Variants in CACNG3 observed in about 807,000 individuals in gnomAD.
CACNG3 encodes voltage-dependent calcium channel gamma-3 subunit.
CACNG3 carries 3 observed loss-of-function variants against 28.5 expected under a neutral mutation model. The observed-to-expected ratio is 0.11, with a 90% confidence interval of 0.05 to 0.27. The LOEUF (loss-of-function observed/expected upper bound fraction) is 0.27. Among genes scored for constraint, CACNG3 ranks in the 10% least tolerant of loss-of-function variants. The pLI is 1.00. For synonymous variants in CACNG3, 174 were observed against 162.2 expected, an observed-to-expected ratio of 1.07 and a Z score of -0.55; for missense variants, 236 against 414.4, an observed-to-expected ratio of 0.57 and a Z score of 3.74.
intron 1 of CACNG3, among the ~76,000 whole-genome samples, chr16:24,284,812 A>G (rs1306460465): frequency 2.0e-5 from 3 of 152,146 alleles, no homozygotes; most frequent in African/African-American, 7.2e-5. Flanking sequence ...ACTATCCAGC[A>G]AAGTCACTAG....
chr16:24,315,455 CTTCT>C (rs1899336104), intron 1 of CACNG3, among the ~76,000 whole-genome samples: 2 of 145,222 alleles, frequency 1.4e-5, no homozygotes, highest in East Asian at 2.1e-4. Context: ...TCCTTCCTTC[CTTCT>C]TTCCTTCCTT....
At chr16:24,257,377 GA>G (rs1898476688) in intron 1 of CACNG3, among the ~76,000 whole-genome samples, 1 of 42,294 alleles carries the variant, frequency 2.4e-5, no homozygotes, top group Non-Finnish European at 4.6e-5. Flanking sequence ...GGGAGAGAGA[GA>G]GAGAGAGAGA....
chr16:24,325,618 T>G (rs148079887), intron 1 of CACNG3, among the ~76,000 whole-genome samples: 192 of 152,376 alleles, frequency 1.3e-3, no homozygotes, highest in African/African-American at 4.4e-3. Flanking sequence ...TCACAGTTTA[T>G]GAGCCGCCTC....
intron 1 of CACNG3, among the ~76,000 whole-genome samples, chr16:24,345,195 G>C (rs16973553): frequency 2.0e-3 from 308 of 152,154 alleles, no homozygotes; most frequent in African/African-American, 7.2e-3. Context: ...AAATACCAAC[G>C]CAGCTCTGTC....
At chr16:24,291,890 T>A (rs1461527989) in intron 1 of CACNG3, among the ~76,000 whole-genome samples, 2 of 151,906 alleles carry the variant, frequency 1.3e-5, no homozygotes, top group African/African-American at 2.4e-5. Flanking sequence ...AAGGAATGAA[T>A]GGAAGATGAG....
intron 1 of CACNG3, among the ~76,000 whole-genome samples, chr16:24,327,536 T>C (rs1302430840): frequency 1.4e-5 from 2 of 146,234 alleles, no homozygotes; most frequent in African/African-American, 2.5e-5. Flanking sequence ...GGGGGGATCG[T>C]TTGAGCTCAG....
intron 1 of CACNG3, among the ~76,000 whole-genome samples, chr16:24,328,769 A>G (rs1017355929): frequency 6.6e-6 from 1 of 152,100 alleles, no homozygotes; most frequent in Non-Finnish European, 1.5e-5. Flanking sequence ...GCCATAAGAC[A>G]TGTACTCACC....
intron 1 of CACNG3, among the ~76,000 whole-genome samples, chr16:24,312,951 G>GAA (rs1567216094): frequency 1.0e-5 from 1 of 98,980 alleles, no homozygotes; most frequent in Non-Finnish European, 2.2e-5. Context: ...AAGAAAGAAA[G>GAA]AAAGAGAAAG....
At chr16:24,346,632 C>T in intron 1 of CACNG3, 102 bp from the exon 2 acceptor site, 1 of 782,030 alleles carries the variant, frequency 1.3e-6, no homozygotes, top group Non-Finnish European at 2.2e-6. Context: ...CTACAGCCCC[C>T]AACAACCAGA....
At chr16:24,289,202 A>T (rs1323650258) in intron 1 of CACNG3, among the ~76,000 whole-genome samples, 1 of 152,008 alleles carries the variant, frequency 6.6e-6, no homozygotes, top group Non-Finnish European at 1.5e-5. Flanking sequence ...TTCCCGATGA[A>T]TTCGCCTTAG....
In CACNG3 at chr16:24,361,665, C is replaced by T. The variant is rs148951012; in HGVS notation, c.750C>T (p.Ile250=). The change falls in exon 4 of 4, where the codon ATC becomes ATT. Residue 250 remains isoleucine (I), a synonymous_variant. Transcript: ENST00000005284. The surrounding 1 kb of genome is among the most constrained non-coding windows in gnomAD (Gnocchi z 6.8). ...TEPRSRDLSP[I]SKGFHTIPST... is the part of the protein sequence containing the mutation. ...CCAGATCCCGAGACCTGTCCCCCAT[C>T]AGCAAAGGCTTCCACACCATCCCTT... 1.9e-6 allele frequency: 3 copies of T among 1,613,968 alleles called. No homozygotes were observed. Among genetic ancestry groups the T allele is most frequent in the Non-Finnish European group, 2.5e-6 (3 of 1,179,980 alleles).
chr16:24,341,618 A>G (rs1372641076), intron 1 of CACNG3, among the ~76,000 whole-genome samples: 1 of 152,244 alleles, frequency 6.6e-6, no homozygotes, highest in East Asian at 1.9e-4. Context: ...TATTATCTTC[A>G]TTCTGTAGAA....
chr16:24,311,094 A>C (rs1335001259), intron 1 of CACNG3, among the ~76,000 whole-genome samples: 1 of 152,244 alleles, frequency 6.6e-6, no homozygotes. Flanking sequence ...AGTTAAGAGC[A>C]AAAGCTCTAC....
chr16:24,287,768 A>G (rs1352608036), intron 1 of CACNG3, among the ~76,000 whole-genome samples: 1 of 152,070 alleles, frequency 6.6e-6, no homozygotes, highest in Non-Finnish European at 1.5e-5. Context: ...CCTCTATAAC[A>G]CTAAGCAAAG....
chr16:24,317,618 GAAAGAAAGACAGACAGAAAGAAAGAAAA>G (rs1899381652), intron 1 of CACNG3, among the ~76,000 whole-genome samples: 8 of 67,002 alleles, frequency 1.2e-4, no homozygotes, highest in Middle Eastern at 6.1e-3. Flanking sequence ...AAGAAAGAAA[GAAAGAAAGACAGACAGAAAGAAAGAAAA>G]GAAAAGAAAG....
chr16:24,288,143 A>T (rs1423169988), intron 1 of CACNG3, among the ~76,000 whole-genome samples: 1 of 152,248 alleles, frequency 6.6e-6, no homozygotes, highest in Non-Finnish European at 1.5e-5. Flanking sequence ...GAAACTTAGC[A>T]GCATCAGGAT....
chr16:24,297,785 C>A, intron 1 of CACNG3, among the ~76,000 whole-genome samples: 1 of 152,162 alleles, frequency 6.6e-6, no homozygotes, highest in Non-Finnish European at 1.5e-5. Context: ...CTCTCCACCC[C>A]ATGTGAGCCC....
At chr16:24,282,149 C>T (rs752765944) in intron 1 of CACNG3, among the ~76,000 whole-genome samples, 1 of 152,130 alleles carries the variant, frequency 6.6e-6, no homozygotes, top group Non-Finnish European at 1.5e-5. Context: ...AAAGGAGACC[C>T]GACCGGGAAG....
At chr16:24,291,859 TAA>T (rs1312872202) in intron 1 of CACNG3, among the ~76,000 whole-genome samples, 2 of 152,174 alleles carry the variant, frequency 1.3e-5, no homozygotes, top group Non-Finnish European at 2.9e-5. Flanking sequence ...AAAGCCAATC[TAA>T]GTGTTAGCTA....
Sources: allele counts gnomAD v4.1 joint callset (sites outside exome capture counted in the v4.1 genomes callset), GRCh38; gene constraint gnomAD v4.1.1; non-coding constraint Gnocchi (gnomAD v3.1); transcripts MANE v1.5; gene names NCBI Gene and HGNC (gene_info 2026-07-23, HGNC 2026-07-21).